Variants in KHDRBS2 observed in about 807,000 individuals in gnomAD.
KHDRBS2 encodes the protein KH RNA binding domain containing, signal transduction associated 2.
Under a neutral mutation model 44.3 loss-of-function variants are expected in KHDRBS2, and 26 were observed. The ratio of observed to expected loss-of-function variants is 0.59; its 90% CI spans 0.43 to 0.81. KHDRBS2 has a LOEUF of 0.81. Among genes scored for constraint, KHDRBS2 ranks in the 40% least tolerant of loss-of-function variants. The pLI is 0.00. For synonymous variants in KHDRBS2, 194 were observed against 151.1 expected (o/e 1.28, Z -2.08); for missense variants, 476 against 433.1 (o/e 1.10, Z -0.88).
chr6:62,084,381 A>G (rs1163736305), intron 2 of KHDRBS2, among the ~76,000 whole-genome samples: 3 of 152,226 alleles, frequency 2.0e-5, no homozygotes, highest in Non-Finnish European at 4.4e-5. Flanking sequence ...AACTCCACCA[A>G]AGTTGATAAC....
At chr6:61,955,842 A>C (rs1767104259) in intron 4 of KHDRBS2, among the ~76,000 whole-genome samples, 1 of 152,132 alleles carries the variant, frequency 6.6e-6, no homozygotes, top group Admixed American at 6.6e-5. Flanking sequence ...CTATGAGGTC[A>C]GCACTATAAT....
rs1014189542 is a variant in KHDRBS2, at chr6:62,105,479, T to C, written c.220-57485A>G. On this transcript the variant is annotated intron_variant, in intron 2 of 8. Transcript: ENST00000281156. ...AGCCTGTTATTGGTCTATTCAGAGA[T>C]TCAACTTCTTCCTGGTTTAGTCTTG... 6.6e-5 allele frequency among the ~76,000 whole-genome samples: 10 copies of C among 152,312 alleles called. No homozygotes were observed. In the East Asian group the frequency reaches 1.2e-3, roughly 18 times the overall value.
intron 6 of KHDRBS2, among the ~76,000 whole-genome samples, chr6:61,839,032 C>T (rs189626283): frequency 3.0e-4 from 45 of 152,136 alleles, no homozygotes; most frequent in African/African-American, 8.7e-4. Context: ...TCAGGGATTT[C>T]GCAGATACCT....
chr6:61,566,597 AAAAGGAGAGCTT>A, the KHDRBS2 span, among the ~76,000 whole-genome samples: 1 of 152,180 alleles, frequency 6.6e-6, no homozygotes, highest in Admixed American at 6.5e-5. Flanking sequence ...CCAGGAATGA[AAAAGGAGAGCTT>A]AAAGGTTAGA....
At chr6:61,834,907 T>G (rs1792414072) in intron 6 of KHDRBS2, among the ~76,000 whole-genome samples, 2 of 151,964 alleles carry the variant, frequency 1.3e-5, no homozygotes, top group African/African-American at 4.8e-5. Context: ...ATATATGAAT[T>G]ATGGTTTGTT....
intron 1 of KHDRBS2, among the ~76,000 whole-genome samples, chr6:62,265,922 A>G (rs2150184787): frequency 6.6e-6 from 1 of 152,224 alleles, no homozygotes; most frequent in South Asian, 2.1e-4. Flanking sequence ...GATTTGTAAT[A>G]TGGCAGGCTG....
chr6:61,687,324 G>GA (rs774802212), intron 8 of KHDRBS2, among the ~76,000 whole-genome samples: 22 of 151,822 alleles, frequency 1.4e-4, no homozygotes, highest in Non-Finnish European at 2.9e-4. Flanking sequence ...TCCTCTGTTA[G>GA]AAAAAATGTA....
intron 2 of KHDRBS2, among the ~76,000 whole-genome samples, chr6:62,058,921 A>C (rs1395258165): frequency 2.0e-5 from 3 of 151,830 alleles, no homozygotes; most frequent in Non-Finnish European, 2.9e-5. Context: ...TATTTGTATA[A>C]AATAAAATAT....
intron 3 of KHDRBS2, among the ~76,000 whole-genome samples, chr6:61,985,808 G>C (rs73758606): frequency 0.025 from 3,814 of 152,148 alleles, 158 homozygotes; most frequent in African/African-American, 0.084. Flanking sequence ...CTGATACTGA[G>C]AACTTCAGTA....
intron 1 of KHDRBS2, among the ~76,000 whole-genome samples, chr6:62,268,013 A>AT (rs1839481320): frequency 6.6e-6 from 1 of 152,014 alleles, no homozygotes; most frequent in Non-Finnish European, 1.5e-5. Context: ...AAAACAAAGT[A>AT]TTTTTCTTTT....
chr6:62,195,630 T>C (rs1157860137), intron 1 of KHDRBS2, among the ~76,000 whole-genome samples: 50 of 152,160 alleles, frequency 3.3e-4, no homozygotes, highest in Non-Finnish European at 4.4e-5. Flanking sequence ...GACTCTTTTC[T>C]GAGCTAAGGA....
the KHDRBS2 span, among the ~76,000 whole-genome samples, chr6:61,568,736 T>A: frequency 6.6e-6 from 1 of 152,260 alleles, no homozygotes; most frequent in East Asian, 1.9e-4. Flanking sequence ...GAAGCAGCAG[T>A]GGAAAGTGCC....
chr6:61,637,401 T>C, the KHDRBS2 span, among the ~76,000 whole-genome samples: 2 of 152,218 alleles, frequency 1.3e-5, no homozygotes, highest in East Asian at 1.9e-4. Flanking sequence ...CTGTGGTGTA[T>C]ATGTGCCACA....
chr6:62,258,816 A>G (rs1435609986), intron 1 of KHDRBS2, among the ~76,000 whole-genome samples: 2 of 152,032 alleles, frequency 1.3e-5, no homozygotes, highest in East Asian at 1.9e-4. Flanking sequence ...AAAATAAGTA[A>G]TGTTCCTATT....
At chr6:61,742,800 A>C (rs1297121422) in intron 6 of KHDRBS2, among the ~76,000 whole-genome samples, 1 of 152,080 alleles carries the variant, frequency 6.6e-6, no homozygotes, top group Non-Finnish European at 1.5e-5. Context: ...ATATACTTAA[A>C]TCTTTGGAGT....
rs190724818 is a variant in KHDRBS2 at position 61,925,660 on chromosome 6, G to A, written c.484-24289C>T. 1.9e-4 allele frequency among the ~76,000 whole-genome samples: 29 copies of A among 151,438 alleles called. No homozygotes were observed. In the East Asian group the frequency reaches 2.9e-3, roughly 15 times the overall value. ...TCGATTAAGCCTGGGAGGTTGAGGC[G>A]GCAGTGAGCCTTGATTGGACCACTG... On this transcript the variant is annotated intron_variant, in intron 4 of 8. Transcript: ENST00000281156.
At chr6:61,634,671 T>C in the KHDRBS2 span, among the ~76,000 whole-genome samples, 1 of 152,044 alleles carries the variant, frequency 6.6e-6, no homozygotes. Context: ...GTTTCAAATA[T>C]GTAAAATCTG....
At chr6:62,035,255 G>A (rs1785070002) in intron 3 of KHDRBS2, among the ~76,000 whole-genome samples, 1 of 151,966 alleles carries the variant, frequency 6.6e-6, no homozygotes, top group African/African-American at 2.4e-5. Flanking sequence ...TCCACCACCA[G>A]AGGAATGGAT....
At chr6:61,862,569 G>C (rs900165591) in intron 6 of KHDRBS2, among the ~76,000 whole-genome samples, 14 of 152,104 alleles carry the variant, frequency 9.2e-5, no homozygotes, top group African/African-American at 3.1e-4. Context: ...TATATCTATT[G>C]AGACAGTCCT....
Sources: allele counts gnomAD v4.1 joint callset (sites outside exome capture counted in the v4.1 genomes callset), GRCh38; gene constraint gnomAD v4.1.1; transcripts MANE v1.5; gene names NCBI Gene and HGNC (gene_info 2026-07-23, HGNC 2026-07-21).